The following SMARCC1 variants were observed in gnomAD, a reference collection of about 807,000 sequenced individuals.
The protein encoded by SMARCC1 is SWI/SNF related BAF chromatin remodeling complex subunit C1, also known as SWI/SNF complex subunit SMARCC1.
Under a neutral mutation model 147.4 loss-of-function variants are expected in SMARCC1, and 43 were observed. The ratio of observed to expected loss-of-function variants is 0.29; its 90% confidence interval spans 0.23 to 0.38. The LOEUF (loss-of-function observed/expected upper bound fraction) is 0.38, where lower values mean the gene tolerates loss of function less well. SMARCC1 is among the 10% of genes least tolerant of loss of function. The pLI, the probability that SMARCC1 is intolerant of heterozygous loss-of-function variation, is 1.00. For synonymous variants in SMARCC1, 495 were observed against 484.4 expected (o/e 1.02, Z -0.29); for missense variants, 1,119 against 1,381.1 (o/e 0.81, Z 3.01).
At chr3:47,724,711 T>A (rs1382557829) in intron 6 of SMARCC1, among the ~76,000 whole-genome samples, 2 of 152,092 alleles carry the variant, frequency 1.3e-5, no homozygotes, top group Non-Finnish European at 2.9e-5. Flanking sequence ...GAAAAAGAGA[T>A]GTTTAATGGG....
intron 1 of SMARCC1, among the ~76,000 whole-genome samples, chr3:47,774,768 TTTGC>T (rs1559669965): frequency 6.6e-6 from 1 of 151,982 alleles, no homozygotes; most frequent in Admixed American, 6.6e-5. Flanking sequence ...ATATTGATAA[TTTGC>T]AACAAAAACT....
chr3:47,633,285 A>C (rs917365998), intron 24 of SMARCC1, among the ~76,000 whole-genome samples: 1 of 152,212 alleles, frequency 6.6e-6, no homozygotes, highest in Non-Finnish European at 1.5e-5. Context: ...GACCTGAGTG[A>C]GCAGTTGAAC....
At chr3:47,780,476 A>G (rs545631633) in intron 1 of SMARCC1, among the ~76,000 whole-genome samples, 1 of 152,246 alleles carries the variant, frequency 6.6e-6, no homozygotes, top group East Asian at 1.9e-4. Flanking sequence ...TACCACGTGT[A>G]ATGCCAAAGG....
chr3:47,728,270 T>G (rs1265620297), intron 6 of SMARCC1, among the ~76,000 whole-genome samples: 6 of 150,214 alleles, frequency 4.0e-5, no homozygotes, highest in African/African-American at 7.4e-5. Context: ...GTATTTTTAG[T>G]AGAGATGGGG....
At chr3:47,653,892 T>G (rs1177739106) in intron 21 of SMARCC1, among the ~76,000 whole-genome samples, 1 of 152,164 alleles carries the variant, frequency 6.6e-6, no homozygotes, top group Non-Finnish European at 1.5e-5. Context: ...CACTCAAAGG[T>G]CAGCCCTTGT....
rs141851208 is a variant in SMARCC1, at chr3:47,727,520, G to C, written c.646+1505C>G. Among the ~76,000 whole-genome samples the C allele has an allele frequency of 1.4e-3, 219 of 151,678 alleles. No individual in the cohort carries two copies. The Middle Eastern group carries it at 0.027, about 19-fold the overall frequency. On this transcript the variant is annotated intron_variant, in intron 6 of 27. Coordinates refer to ENST00000254480, the MANE Select transcript of SMARCC1 (RefSeq NM_003074.4). ...AAGACTACATCTCAAAAAAAAAATT[G>C]TACTGTGTGTACATACCACAATTTG...
At chr3:47,622,090 A>ACC in intron 25 of SMARCC1, 117 bp downstream of exon 25, 1 of 899,434 alleles carries the variant, frequency 1.1e-6, no homozygotes, top group Non-Finnish European at 1.8e-6. Flanking sequence ...AAAAAAGGAC[A>ACC]GAAGTTAGCC....
intron 24 of SMARCC1, 70 bp from the exon 25 acceptor site, chr3:47,622,411 A>C: frequency 7.1e-7 from 1 of 1,415,870 alleles, no homozygotes; most frequent in South Asian, 1.2e-5. Flanking sequence ...AAATGCTGAC[A>C]ATATTCAAAG....
intron 5 of SMARCC1, 67 bp downstream of exon 5, chr3:47,735,967 T>A (rs768481894): frequency 4.8e-5 from 33 of 689,174 alleles, no homozygotes; most frequent in Non-Finnish European, 7.8e-5. Context: ...TGTCATTTAT[T>A]AGAGGCTTAC....
At chr3:47,686,273 C>T in intron 13 of SMARCC1, 103 bp from the exon 14 acceptor site, 1 of 903,622 alleles carries the variant, frequency 1.1e-6, no homozygotes, top group Non-Finnish European at 1.6e-6. Flanking sequence ...AATGAAGCTC[C>T]CCGATTCGAT....
intron 3 of SMARCC1, among the ~76,000 whole-genome samples, chr3:47,738,475 A>G (rs2034471168): frequency 6.6e-6 from 1 of 152,134 alleles, no homozygotes; most frequent in Non-Finnish European, 1.5e-5. Context: ...CAAGAGATCA[A>G]GAGTTCAAGA....
At chr3:47,740,473 G>T (rs888819277) in intron 3 of SMARCC1, among the ~76,000 whole-genome samples, 2 of 151,604 alleles carry the variant, frequency 1.3e-5, no homozygotes, top group Admixed American at 6.6e-5. Context: ...GTGATTACAG[G>T]TGTGAGCCAC....
chr3:47,668,885 T>TAA (rs751000969), intron 19 of SMARCC1, among the ~76,000 whole-genome samples: 25 of 136,540 alleles, frequency 1.8e-4, no homozygotes, highest in East Asian at 1.2e-3. Flanking sequence ...AACCCTGTCT[T>TAA]AAAAAAAAAA....
chr3:47,729,108 G>T lies in SMARCC1; in HGVS notation c.577-14C>A. 1.3e-6 allele frequency: 2 copies of T among 1,589,714 alleles called. No homozygotes were observed. Among genetic ancestry groups the T allele is most frequent in the South Asian group, 1.1e-5 (1 of 89,378 alleles). On this transcript the variant is annotated splice_polypyrimidine_tract_variant and intron_variant, in intron 5 of 27. Transcript: ENST00000254480. ...CGTAAATGTTCCCTGGAAAGCAAAT[G>T]AACAAAAACCACAAAAATAAAGCAC... is the stretch of plus-strand genomic sequence containing the variant.
At chr3:47,650,729 C>A (rs780486883) in intron 21 of SMARCC1, among the ~76,000 whole-genome samples, 5 of 151,958 alleles carry the variant, frequency 3.3e-5, no homozygotes, top group Non-Finnish European at 5.9e-5. Context: ...GTGGGAGGAT[C>A]ACTTGAGCCC....
chr3:47,722,924 G>GT (rs1273959315), intron 6 of SMARCC1, among the ~76,000 whole-genome samples: 2 of 152,178 alleles, frequency 1.3e-5, no homozygotes, highest in African/African-American at 4.8e-5. Flanking sequence ...CACAGAAAAG[G>GT]TAACACAGGG....
chr3:47,646,519 G>A (rs1409267206), intron 21 of SMARCC1, among the ~76,000 whole-genome samples: 1 of 152,178 alleles, frequency 6.6e-6, no homozygotes, highest in African/African-American at 2.4e-5. Context: ...TAATAACATG[G>A]TTAGCAAAAA....
chr3:47,626,053 C>G (rs1368870659), intron 24 of SMARCC1, among the ~76,000 whole-genome samples: 1 of 152,116 alleles, frequency 6.6e-6, no homozygotes, highest in Non-Finnish European at 1.5e-5. Flanking sequence ...ACTCAGGAGG[C>G]TGAGGAGGAA....
At chr3:47,743,010 G>A (rs934021953) in intron 3 of SMARCC1, among the ~76,000 whole-genome samples, 3 of 152,160 alleles carry the variant, frequency 2.0e-5, no homozygotes, top group Non-Finnish European at 4.4e-5. Flanking sequence ...AGACTACTGA[G>A]AAGTCAGTAA....
Sources: gnomAD v4.1 joint callset for allele counts (sites outside exome capture counted in the v4.1 genomes callset) on GRCh38, gnomAD v4.1.1 for gene constraint, MANE v1.5 for transcripts, NCBI Gene and HGNC (gene_info 2026-07-23, HGNC 2026-07-21) for gene names.